MARCHF4: variants seen among roughly 807,000 people sequenced by gnomAD.
MARCHF4 encodes E3 ubiquitin-protein ligase MARCHF4.
Under a neutral mutation model 43.9 loss-of-function variants are expected in MARCHF4, and 14 were observed. The ratio of observed to expected loss-of-function variants is 0.32; its 90% CI spans 0.21 to 0.50. The LOEUF (loss-of-function observed/expected upper bound fraction) is 0.50. Among genes scored for constraint, MARCHF4 ranks in the 20% least tolerant of loss-of-function variants. MARCHF4 has a pLI of 0.98. For missense variants in MARCHF4, 468 were observed against 536.7 expected (o/e 0.87, Z 1.27); for synonymous variants, 226 against 213.3 (o/e 1.06, Z -0.52).
chr2:216,296,098 A>G (rs1198365884), intron 1 of MARCHF4, among the ~76,000 whole-genome samples: 1 of 152,224 alleles, frequency 6.6e-6, no homozygotes, highest in African/African-American at 2.4e-5. Context: ...GTGAGCCAAG[A>G]TCGTGCCACT....
chr2:216,277,907 C>A, intron 2 of MARCHF4, 43 bp from the exon 3 acceptor site: 1 of 1,544,794 alleles, frequency 6.5e-7, no homozygotes, highest in South Asian at 1.2e-5. Context: ...CTTGGATGCC[C>A]TTATCCCATT....
intron 1 of MARCHF4, among the ~76,000 whole-genome samples, chr2:216,287,802 A>T (rs558541357): frequency 5.0e-4 from 66 of 132,476 alleles, no homozygotes; most frequent in Non-Finnish European, 6.2e-4. Context: ...AATAAAATTA[A>T]AAAAAAAAAA....
chr2:216,264,114 C>A (rs1446413273), intron 3 of MARCHF4, among the ~76,000 whole-genome samples: 1 of 152,166 alleles, frequency 6.6e-6, no homozygotes, highest in Non-Finnish European at 1.5e-5. Context: ...CCAGAGCCAC[C>A]CACAAGGCCA....
chr2:216,336,739 A>AT (rs200187084), intron 1 of MARCHF4, among the ~76,000 whole-genome samples: 1 of 128,562 alleles, frequency 7.8e-6, no homozygotes, highest in Non-Finnish European at 1.6e-5. Flanking sequence ...AGGCAAATAG[A>AT]TTTAAAAAAA....
chr2:216,312,610 G>C (rs764433093), intron 1 of MARCHF4, among the ~76,000 whole-genome samples: 4 of 152,080 alleles, frequency 2.6e-5, no homozygotes, highest in Admixed American at 6.6e-5. Flanking sequence ...ATCTCATTGT[G>C]GTTTTAATTT....
chr2:216,316,335 C>T (rs1175305956), intron 1 of MARCHF4, among the ~76,000 whole-genome samples: 1 of 152,164 alleles, frequency 6.6e-6, no homozygotes, highest in Non-Finnish European at 1.5e-5. Context: ...GGGGTCCCTG[C>T]CTGCTCACGC....
At chr2:216,275,959 G>A (rs1386994461) in intron 3 of MARCHF4, among the ~76,000 whole-genome samples, 1 of 152,214 alleles carries the variant, frequency 6.6e-6, no homozygotes, top group Non-Finnish European at 1.5e-5. Flanking sequence ...GACACTCAGA[G>A]CAGGCCTGAA....
rs1240463786 is a variant in MARCHF4, at chr2:216,258,815, G to C, written c.*497C>G. On this transcript the variant is annotated 3_prime_UTR_variant, in exon 4 of 4. Transcript: ENST00000273067. Reference sequence around the variant, plus strand: ...CCAAATGAGCCCAGGAGCCCCAAAGGCAGTGTGTCCCTGCCAGCTCACCCG... The same window carrying C: ...CCAAATGAGCCCAGGAGCCCCAAAGCCAGTGTGTCCCTGCCAGCTCACCCG... 3 of 153,292 alleles carry C rather than the reference G, an allele frequency of 2.0e-5. No homozygotes were observed. The highest frequency in any genetic ancestry group is 2.9e-5 in the Non-Finnish European group (2 of 68,692). The allele number at this position is 153,292 out of a possible 1,614,324, so 9.5% of individuals were successfully genotyped here. A position where few individuals can be genotyped will look rare whatever the true frequency, so the allele number is the denominator to read the frequency against.
At chr2:216,281,252 A>G (rs1559088691) in intron 2 of MARCHF4, among the ~76,000 whole-genome samples, 3 of 151,936 alleles carry the variant, frequency 2.0e-5, no homozygotes, top group Admixed American at 2.0e-4. Context: ...TTGTAGAGAC[A>G]GGGTCTCATT....
intron 1 of MARCHF4, among the ~76,000 whole-genome samples, chr2:216,360,622 T>G (rs1038173753): frequency 5.9e-5 from 9 of 152,146 alleles, no homozygotes; most frequent in Admixed American, 2.6e-4. Flanking sequence ...GAATAGGTGG[T>G]GGGGCACAGT....
intron 1 of MARCHF4, among the ~76,000 whole-genome samples, chr2:216,336,066 T>TAAAAA (rs34216672): frequency 4.9e-5 from 3 of 60,612 alleles, no homozygotes; most frequent in African/African-American, 1.3e-4. Flanking sequence ...AGACTCTGTC[T>TAAAAA]AAAAAAAAAA....
At chr2:216,366,354 A>T (rs1025284261) in intron 1 of MARCHF4, among the ~76,000 whole-genome samples, 2 of 152,196 alleles carry the variant, frequency 1.3e-5, no homozygotes, top group South Asian at 2.1e-4. Flanking sequence ...ACGGAGAGTG[A>T]GGAGGTTGTG....
chr2:216,359,154 A>G (rs1409099263), intron 1 of MARCHF4, among the ~76,000 whole-genome samples: 1 of 152,156 alleles, frequency 6.6e-6, no homozygotes, highest in Non-Finnish European at 1.5e-5. Context: ...AGACTTTCCC[A>G]TCTTGCAGCT....
chr2:216,294,424 G>A (rs1325980552), intron 1 of MARCHF4, among the ~76,000 whole-genome samples: 2 of 152,242 alleles, frequency 1.3e-5, no homozygotes, highest in African/African-American at 4.8e-5. Context: ...CAAATGAGCT[G>A]TGATGACAAG....
At chr2:216,289,233 A>ACCCCCCCCCCCCC (rs199838607) in intron 1 of MARCHF4, among the ~76,000 whole-genome samples, 1 of 102,600 alleles carries the variant, frequency 9.7e-6, no homozygotes, top group Non-Finnish European at 2.0e-5. Context: ...TTTCTTCCCC[A>ACCCCCCCCCCCCC]CCCGCCCCCC....
chr2:216,320,542 G>A (rs910291126), intron 1 of MARCHF4, among the ~76,000 whole-genome samples: 1 of 152,132 alleles, frequency 6.6e-6, no homozygotes, highest in Non-Finnish European at 1.5e-5. Context: ...CAAGGCCCAT[G>A]TTTTAAGCCA....
intron 1 of MARCHF4, chr2:216,351,312 GATCAAGAAATTGTC>G (rs1160961930): frequency 6.6e-6 from 1 of 152,514 alleles, no homozygotes; most frequent in Non-Finnish European, 1.5e-5. Flanking sequence ...CATGAAAGTT[GATCAAGAAATTGTC>G]AACCCTTTTC....
rs1479660717 is a variant in MARCHF4, at chr2:216,258,798, G to A, written c.*514C>T. On this transcript the variant is annotated 3_prime_UTR_variant, in exon 4 of 4. Coordinates refer to ENST00000273067, the MANE Select transcript of MARCHF4 (RefSeq NM_020814.3). ...CAGCGAATCTTGCCCATCCAAATGA[G>A]CCCAGGAGCCCCAAAGGCAGTGTGT... The A allele has an allele frequency of 6.5e-6, 1 of 153,094 alleles. No homozygotes were observed. The highest frequency in any genetic ancestry group is 1.5e-5 in the Non-Finnish European group (1 of 68,502). The allele number at this position is 153,094 out of a possible 1,614,324, so 9.5% of individuals were successfully genotyped here. A position where few individuals can be genotyped will look rare whatever the true frequency, so the allele number is the denominator to read the frequency against.
intron 3 of MARCHF4, among the ~76,000 whole-genome samples, chr2:216,260,064 A>G (rs1690716911): frequency 6.6e-6 from 1 of 152,244 alleles, no homozygotes; most frequent in Admixed American, 6.5e-5. Flanking sequence ...TTAAAGCACC[A>G]CAAAAGAAAA....
Sources: gnomAD v4.1 joint callset for allele counts (sites outside exome capture counted in the v4.1 genomes callset) on GRCh38, gnomAD v4.1.1 for gene constraint, MANE v1.5 for transcripts, NCBI Gene and HGNC (gene_info 2026-07-23, HGNC 2026-07-21) for gene names.